FOXN3: variants seen among roughly 807,000 people sequenced by gnomAD.
FOXN3 encodes the protein forkhead box protein N3.
A neutral mutation model predicts 38.4 loss-of-function variants in FOXN3; 7 were observed. The ratio of observed to expected loss-of-function variants is 0.18; its 90% confidence interval spans 0.10 to 0.34. FOXN3 has a LOEUF of 0.34. Among genes scored for constraint, FOXN3 ranks in the 10% least tolerant of loss-of-function variants. FOXN3 has a pLI of 1.00. For missense variants in FOXN3, 456 were observed against 613.4 expected (o/e 0.74, Z 2.71); for synonymous variants, 230 against 242.2 (o/e 0.95, Z 0.47).
chr14:89,241,866 CAA>C (rs1455578782), intron 4 of FOXN3, among the ~76,000 whole-genome samples: 1 of 152,146 alleles, frequency 6.6e-6, no homozygotes, highest in East Asian at 1.9e-4. Flanking sequence ...ATCCCACTCG[CAA>C]TGGGGGGCCT....
rs997200617 is a variant in FOXN3 at position 89,219,426 on chromosome 14, G to A, written c.746-38620C>T. Among the ~76,000 whole-genome samples the A allele has an allele frequency of 2.0e-5, 3 of 152,112 alleles. No individual in the cohort carries two copies. In the South Asian group the frequency reaches 6.2e-4, roughly 32 times the overall value. ...TATGTCTTTATAGCAGTGTGAAAAC[G>A]GACTAATAAAGGCATTATTGGAGAT... On this transcript the variant is annotated intron_variant, in intron 4 of 5. Transcript: ENST00000557258.
chr14:89,503,709 A>C (rs992374946), intron 1 of FOXN3, among the ~76,000 whole-genome samples: 2 of 152,224 alleles, frequency 1.3e-5, no homozygotes, highest in African/African-American at 4.8e-5. Context: ...CTCGGTTACA[A>C]GTGTGTGATT....
chr14:89,616,239 C>CT lies in FOXN3; in HGVS notation c.-15+2788dup, dbSNP rs1896490457. Among the ~76,000 whole-genome samples the CT allele has an allele frequency of 2.0e-5, 3 of 152,002 alleles. No individual in the cohort carries two copies. The South Asian group carries it at 6.2e-4, about 32-fold the overall frequency. On this transcript the variant is annotated intron_variant, in intron 1 of 6. Coordinates refer to the FOXN3 transcript ENST00000345097. The stretch of plus-strand genomic sequence containing the variant: ...GCTAGGGGGAGGGGAGGTCTCCAAA[C>CT]TTTTTTCTTTATAGTCCTCATGGAA...
chr14:89,493,703 C>G (rs917521583), intron 1 of FOXN3, among the ~76,000 whole-genome samples: 5 of 152,166 alleles, frequency 3.3e-5, no homozygotes, highest in Non-Finnish European at 7.3e-5. Context: ...CCTGATCATT[C>G]TGATATAAAA....
At chr14:89,402,510 TC>T (rs1462841625) in intron 2 of FOXN3, among the ~76,000 whole-genome samples, 1 of 152,208 alleles carries the variant, frequency 6.6e-6, no homozygotes, top group Non-Finnish European at 1.5e-5. Flanking sequence ...AACTTGGGGT[TC>T]CAATGGATCA....
At chr14:89,478,861 G>C (rs980411026) in intron 1 of FOXN3, among the ~76,000 whole-genome samples, 3 of 139,922 alleles carry the variant, frequency 2.1e-5, no homozygotes, top group African/African-American at 7.9e-5. Flanking sequence ...CAACCCAGGA[G>C]GCGGAGGTTG....
At position 89,506,707 on chromosome 14, in the gene FOXN3, T is replaced by G. The variant is rs1211855493; in HGVS notation, c.-14-94217A>C. ...AAGGCGGGAAAGGTGGGGAAAAGAT[T>G]GAGAAATCGGATGGTTGCCGTGTCT... On this transcript the variant is annotated intron_variant, in intron 1 of 6. Coordinates refer to the FOXN3 transcript ENST00000345097. Among the ~76,000 whole-genome samples, 3 of 152,180 alleles carry G rather than the reference T, an allele frequency of 2.0e-5. No individual in the cohort carries two copies. The South Asian group carries it at 6.2e-4, about 31-fold the overall frequency.
intron 4 of FOXN3, among the ~76,000 whole-genome samples, chr14:89,204,362 T>C (rs1213966012): frequency 1.3e-5 from 2 of 151,048 alleles, no homozygotes; most frequent in Non-Finnish European, 2.9e-5. Flanking sequence ...CGGGGGCTGC[T>C]GATTCTCAAT....
chr14:89,508,480 G>A (rs1893994619), intron 1 of FOXN3, among the ~76,000 whole-genome samples: 1 of 152,234 alleles, frequency 6.6e-6, no homozygotes, highest in Non-Finnish European at 1.5e-5. Flanking sequence ...CCCAGAGAGA[G>A]ATTGGTCTGA....
At chr14:89,376,878 G>T (rs1360054970) in intron 2 of FOXN3, among the ~76,000 whole-genome samples, 6 of 151,610 alleles carry the variant, frequency 4.0e-5, no homozygotes, top group African/African-American at 7.3e-5. Flanking sequence ...GGTGGGTATG[G>T]TGGCAGGCGC....
chr14:89,235,141 T>C (rs1351582305), intron 4 of FOXN3, among the ~76,000 whole-genome samples: 1 of 152,206 alleles, frequency 6.6e-6, no homozygotes, highest in Non-Finnish European at 1.5e-5. Flanking sequence ...ACTGTAAGTA[T>C]GTGCTAAAGT....
intron 1 of FOXN3, among the ~76,000 whole-genome samples, chr14:89,526,420 G>C (rs1018543492): frequency 6.6e-6 from 1 of 152,046 alleles, no homozygotes; most frequent in Non-Finnish European, 1.5e-5. Flanking sequence ...AAGATTGCAA[G>C]ATACAACATC....
intron 2 of FOXN3, among the ~76,000 whole-genome samples, chr14:89,363,203 T>C (rs968085196): frequency 2.0e-5 from 3 of 152,128 alleles, no homozygotes; most frequent in African/African-American, 4.8e-5. Context: ...AGCTCCCACC[T>C]GGGCTATCCC....
chr14:89,283,422 T>G (rs1437044823), intron 3 of FOXN3, among the ~76,000 whole-genome samples: 1 of 150,580 alleles, frequency 6.6e-6, no homozygotes, highest in Non-Finnish European at 1.5e-5. Context: ...CAAGCTTGAT[T>G]TTTTCCCCCC....
chr14:89,560,785 T>C (rs1306840508), intron 1 of FOXN3, among the ~76,000 whole-genome samples: 1 of 152,216 alleles, frequency 6.6e-6, no homozygotes, highest in Non-Finnish European at 1.5e-5. Context: ...CCACGTGGCT[T>C]GCAGAGGAGG....
At chr14:89,388,902 G>A (rs1199843949) in intron 2 of FOXN3, among the ~76,000 whole-genome samples, 4 of 152,014 alleles carry the variant, frequency 2.6e-5, no homozygotes, top group African/African-American at 4.8e-5. Flanking sequence ...CACAGGCCCC[G>A]CACTGTGACA....
At chr14:89,457,057 C>A (rs1892741866) in intron 1 of FOXN3, among the ~76,000 whole-genome samples, 2 of 152,200 alleles carry the variant, frequency 1.3e-5, no homozygotes, top group African/African-American at 4.8e-5. Context: ...CCATGCATGA[C>A]CTGTAATCAC....
intron 2 of FOXN3, among the ~76,000 whole-genome samples, chr14:89,358,843 GT>G (rs1273217278): frequency 6.6e-6 from 1 of 152,178 alleles, no homozygotes; most frequent in Admixed American, 6.5e-5. Flanking sequence ...TCTGAGTCTT[GT>G]TTCAATTTCT....
At chr14:89,524,311 C>A (rs1257901529) in intron 1 of FOXN3, among the ~76,000 whole-genome samples, 3 of 129,762 alleles carry the variant, frequency 2.3e-5, no homozygotes, top group Non-Finnish European at 4.7e-5. Context: ...GGGGGCAGAG[C>A]CTGCAGTGAG....
Sources: gnomAD v4.1 joint callset for allele counts (sites outside exome capture counted in the v4.1 genomes callset) on GRCh38, gnomAD v4.1.1 for gene constraint, MANE v1.5 for transcripts, NCBI Gene and HGNC (gene_info 2026-07-23, HGNC 2026-07-21) for gene names.